Variants in KCNAB1 observed in about 807,000 individuals in gnomAD.
KCNAB1 encodes potassium voltage-gated channel subfamily A regulatory beta subunit 1, also known as voltage-gated potassium channel subunit beta-1.
KCNAB1 carries 35 observed loss-of-function variants against 64.6 expected under a neutral mutation model. That is an observed-to-expected ratio of 0.54 (90% CI 0.41 to 0.72). The LOEUF (loss-of-function observed/expected upper bound fraction) is 0.72. Ranked by LOEUF, KCNAB1 falls within the 30% of genes least tolerant of loss-of-function variation. The probability of loss-of-function intolerance (pLI) is 0.00; values close to 1 mark genes in which losing one functional copy is unlikely to be tolerated. For synonymous variants in KCNAB1, 177 were observed against 183.8 expected, an observed-to-expected ratio of 0.96 and a Z score of 0.30; for missense variants, 401 against 512.9, an observed-to-expected ratio of 0.78 and a Z score of 2.11.
intron 1 of KCNAB1, among the ~76,000 whole-genome samples, chr3:156,249,560 T>A (rs1717687483): frequency 1.4e-5 from 2 of 144,084 alleles, no homozygotes; most frequent in Non-Finnish European, 3.0e-5. Context: ...AGACTCTGTC[T>A]AAAAAAAAAA....
In KCNAB1 at chr3:156,265,686, C is replaced by T. The variant is rs568910681; in HGVS notation, c.275+144800C>T. Among the ~76,000 whole-genome samples, 9 of 152,328 alleles carry T rather than the reference C, an allele frequency of 5.9e-5. No homozygotes were observed. The South Asian group carries it at 1.2e-3, about 21-fold the overall frequency. Reference sequence around the variant, plus strand: ...GGATGGTAGATCCCAAAAGATATGCCTGTATCCTAATCTCTAAAACCTGTG... The same window carrying T: ...GGATGGTAGATCCCAAAAGATATGCTTGTATCCTAATCTCTAAAACCTGTG... On this transcript the variant is annotated intron_variant, in intron 1 of 13. Coordinates refer to ENST00000490337, the MANE Select transcript of KCNAB1 (RefSeq NM_172160.3).
At chr3:156,235,026 T>C (rs9877749) in intron 1 of KCNAB1, among the ~76,000 whole-genome samples, 5,471 of 152,284 alleles carry the variant, frequency 0.036, 352 homozygotes, top group African/African-American at 0.12. Flanking sequence ...TACATTCAGA[T>C]ATAGCTGTGG....
At chr3:156,366,300 A>G (rs1033684818) in intron 1 of KCNAB1, among the ~76,000 whole-genome samples, 3 of 152,226 alleles carry the variant, frequency 2.0e-5, no homozygotes, top group Non-Finnish European at 4.4e-5. Flanking sequence ...GGCTGGTGCT[A>G]GAAAATAGTG....
rs145502397 is a variant in KCNAB1 at position 156,143,901 on chromosome 3, CTTTATTTATTTA to C, written c.275+23043_275+23054del. The stretch of plus-strand genomic sequence containing the variant: ...TCAAGTTCTCCTTGAAATGACAGCA[CTTTATTTATTTA>C]TTTATTTATTTATTTATTTATTTAT... On this transcript the variant is annotated intron_variant, in intron 1 of 13. Coordinates refer to ENST00000490337, the MANE Select transcript of KCNAB1 (RefSeq NM_172160.3). 4.8e-3 allele frequency among the ~76,000 whole-genome samples: 701 copies of C among 146,812 alleles called. 10 individuals are homozygous for C. The highest frequency in any genetic ancestry group is 0.037 in the East Asian group (187 of 5,026).
intron 1 of KCNAB1, among the ~76,000 whole-genome samples, chr3:156,239,177 C>T (rs922057698): frequency 6.6e-6 from 1 of 152,204 alleles, no homozygotes; most frequent in Admixed American, 6.5e-5. Context: ...TTCTGACAAA[C>T]TTTTGATAGA....
intron 8 of KCNAB1, among the ~76,000 whole-genome samples, chr3:156,498,436 C>T (rs983955086): frequency 5.9e-5 from 9 of 152,142 alleles, no homozygotes; most frequent in Admixed American, 1.3e-4. Flanking sequence ...GTAAATGAGT[C>T]TCATGAGAGC....
chr3:156,422,187 A>C (rs895808771), intron 2 of KCNAB1, among the ~76,000 whole-genome samples: 15 of 152,236 alleles, frequency 9.9e-5, no homozygotes, highest in African/African-American at 3.6e-4. Context: ...CCTCCCAGTC[A>C]ATATTTGAAG....
At chr3:156,482,957 A>G (rs1030562623) in intron 8 of KCNAB1, among the ~76,000 whole-genome samples, 2 of 152,136 alleles carry the variant, frequency 1.3e-5, no homozygotes, top group African/African-American at 4.8e-5. Flanking sequence ...CAACAAATTA[A>G]GATGCATGAG....
chr3:156,127,884 G>GGGGTGTGT (rs554272137), intron 1 of KCNAB1, among the ~76,000 whole-genome samples: 67 of 147,662 alleles, frequency 4.5e-4, no homozygotes, highest in South Asian at 1.3e-3. Context: ...CTTCATTTGG[G>GGGGTGTGT]GTGTGTGTGT....
chr3:156,149,802 C>A (rs1715287440), intron 1 of KCNAB1, among the ~76,000 whole-genome samples: 1 of 152,130 alleles, frequency 6.6e-6, no homozygotes. Flanking sequence ...TACATTTGTT[C>A]CTAAATTGCA....
intron 1 of KCNAB1, among the ~76,000 whole-genome samples, chr3:156,337,183 A>T (rs1723772938): frequency 6.6e-6 from 1 of 152,190 alleles, no homozygotes; most frequent in Non-Finnish European, 1.5e-5. Context: ...ATAAAATTGC[A>T]TTATATGCAA....
intron 1 of KCNAB1, among the ~76,000 whole-genome samples, chr3:156,420,464 A>G (rs772177351): frequency 3.3e-5 from 5 of 152,266 alleles, no homozygotes; most frequent in Non-Finnish European, 5.9e-5. Flanking sequence ...AAAACATGTG[A>G]TGCAAAAATG....
At chr3:156,402,555 A>C (rs992626841) in intron 1 of KCNAB1, among the ~76,000 whole-genome samples, 1 of 152,256 alleles carries the variant, frequency 6.6e-6, no homozygotes, top group African/African-American at 2.4e-5. Flanking sequence ...CTCCCTTTGC[A>C]GAACAGATAA....
At chr3:156,474,510 T>C (rs558120758) in intron 7 of KCNAB1, 1 of 375,342 alleles carries the variant, frequency 2.7e-6, no homozygotes, top group Non-Finnish European at 4.9e-6. Flanking sequence ...GTGAGAGTGA[T>C]AATATTCCTG....
intron 1 of KCNAB1, among the ~76,000 whole-genome samples, chr3:156,284,662 T>C (rs1432269808): frequency 6.6e-6 from 1 of 152,186 alleles, no homozygotes; most frequent in Non-Finnish European, 1.5e-5. Flanking sequence ...TGGGATATAG[T>C]CTCGTGATGC....
intron 1 of KCNAB1, among the ~76,000 whole-genome samples, chr3:156,184,677 C>T (rs1460069354): frequency 6.6e-6 from 1 of 152,218 alleles, no homozygotes; most frequent in East Asian, 1.9e-4. Context: ...ACAAAGCTGT[C>T]TATCTTTGCA....
chr3:156,296,124 A>G (rs1247106038), intron 1 of KCNAB1, among the ~76,000 whole-genome samples: 2 of 152,192 alleles, frequency 1.3e-5, no homozygotes, highest in Non-Finnish European at 1.5e-5. Context: ...TGTACACTCT[A>G]CAACCATACA....
rs879518640 is a variant in KCNAB1, at chr3:156,538,287, A to G, written c.*1540A>G. 8 of 106,088 alleles carry G rather than the reference A, an allele frequency of 7.5e-5. No individual in the cohort carries two copies. The highest frequency in any genetic ancestry group is 1.3e-4 in the Non-Finnish European group (7 of 52,656). 6.6% of individuals were successfully genotyped at this position (106,088 alleles called of 1,614,324 possible). A position where few individuals can be genotyped will look rare whatever the true frequency, so the allele number is the denominator to read the frequency against. ...CTCTGAGGTTTACAGAAGAACTGTAATATTATTTTAAAATGCGATTTTTCT... is the reference window on the plus strand; with the variant it reads ...CTCTGAGGTTTACAGAAGAACTGTAGTATTATTTTAAAATGCGATTTTTCT... On this transcript the variant is annotated 3_prime_UTR_variant, in exon 14 of 14. Transcript: ENST00000490337.
intron 8 of KCNAB1, among the ~76,000 whole-genome samples, chr3:156,492,532 G>C (rs146286306): frequency 3.4e-4 from 52 of 152,130 alleles, no homozygotes; most frequent in African/African-American, 1.2e-3. Context: ...AGCCATCCCA[G>C]CCCAGGCACC....
Sources: allele counts gnomAD v4.1 joint callset (sites outside exome capture counted in the v4.1 genomes callset), GRCh38; gene constraint gnomAD v4.1.1; transcripts MANE v1.5; gene names NCBI Gene and HGNC (gene_info 2026-07-23, HGNC 2026-07-21).